NFATC2: variants seen among roughly 807,000 people sequenced by gnomAD.
NFATC2 encodes the protein nuclear factor of activated T cells 2.
Under a neutral mutation model 87.3 loss-of-function variants are expected in NFATC2, and 22 were observed. The ratio of observed to expected loss-of-function variants is 0.25; its 90% CI spans 0.18 to 0.36. The LOEUF (loss-of-function observed/expected upper bound fraction) is 0.36. Among genes scored for constraint, NFATC2 ranks in the 10% least tolerant of loss-of-function variants. The pLI, the probability that NFATC2 is intolerant of heterozygous loss-of-function variation, is 1.00. For synonymous variants in NFATC2, 565 were observed against 542.2 expected, an observed-to-expected ratio of 1.04 and a Z score of -0.58; for missense variants, 1,149 against 1,259.1, an observed-to-expected ratio of 0.91 and a Z score of 1.32.
intron 9 of NFATC2, among the ~76,000 whole-genome samples, chr20:51,401,750 C>T (rs1019799507): frequency 4.6e-5 from 7 of 152,210 alleles, no homozygotes; most frequent in African/African-American, 1.7e-4. Flanking sequence ...ACTGGTGAGT[C>T]ATCCCACTGA....
chr20:51,437,303 G>A (rs991065926), intron 6 of NFATC2, among the ~76,000 whole-genome samples: 17 of 152,198 alleles, frequency 1.1e-4, no homozygotes, highest in Admixed American at 1.3e-4. Flanking sequence ...ACATGCTAAT[G>A]AGCATTTGGA....
chr20:51,418,095 G>A (rs1195277799), intron 9 of NFATC2, among the ~76,000 whole-genome samples: 1 of 152,234 alleles, frequency 6.6e-6, no homozygotes, highest in Non-Finnish European at 1.5e-5. Flanking sequence ...CCTGGGTGCT[G>A]TACTAGGGAA....
intron 1 of NFATC2, among the ~76,000 whole-genome samples, chr20:51,533,780 C>T (rs2076674731): frequency 6.6e-6 from 1 of 152,232 alleles, no homozygotes. Context: ...TCTGGCATGA[C>T]CGCTTGCAAA....
In NFATC2 at chr20:51,432,548, T is replaced by A; in HGVS notation, c.2241A>T (p.Pro747=). The change falls in exon 9 of 11, where the codon CCA becomes CCT. Residue 747 remains proline (P), a synonymous_variant. Coordinates refer to ENST00000371564, the MANE Select transcript of NFATC2 (RefSeq NM_012340.5). The surrounding 1 kb of genome is among the most constrained non-coding windows in gnomAD (Gnocchi z 4.6). Reference sequence around the variant, plus strand: ...TGCTCCGCTGGTAGAGTACGGCCGCTGGGTTCTGTTGCTGGTAGCGGGCGT... The same window carrying A: ...TGCTCCGCTGGTAGAGTACGGCCGCAGGGTTCTGTTGCTGGTAGCGGGCGT... ...SPDARYQQQN[P]AAVLYQRSKS... is the part of the protein sequence containing the mutation. 1.3e-6 allele frequency: 2 copies of A among 1,544,372 alleles called. No individual in the cohort carries two copies. The highest frequency in any genetic ancestry group is 1.7e-6 in the Non-Finnish European group (2 of 1,146,884).
intron 1 of NFATC2, among the ~76,000 whole-genome samples, chr20:51,561,432 A>AAGG (rs2077024037): frequency 8.5e-5 from 5 of 58,938 alleles, no homozygotes; most frequent in African/African-American, 1.2e-4. Flanking sequence ...GAGAGAAAGA[A>AAGG]AAGAAAGAAA....
At chr20:51,561,465 A>C (rs1427085568) in intron 1 of NFATC2, among the ~76,000 whole-genome samples, 3 of 135,680 alleles carry the variant, frequency 2.2e-5, no homozygotes, top group Middle Eastern at 3.5e-3. Context: ...GAAAGAAAGA[A>C]AGAAAGAAAG....
rs182915137 is a variant in NFATC2 at position 51,531,578 on chromosome 20, C to T, written c.131-7468G>A. Among the ~76,000 whole-genome samples the T allele has an allele frequency of 3.2e-4, 49 of 152,250 alleles. No homozygotes were observed. In the East Asian group the frequency reaches 9.1e-3, roughly 28 times the overall value. ...AGGTCTCAGTCAACAGAGGGTAGCA[C>T]GGGGTTAGGGGACTCCAGATCCACT... is the stretch of plus-strand genomic sequence containing the variant. On this transcript the variant is annotated intron_variant, in intron 1 of 10. Transcript: ENST00000371564.
chr20:51,454,607 A>T lies in NFATC2; in HGVS notation c.1790T>A (p.Ile597Asn). 6.2e-7 allele frequency: 1 copy of T among 1,614,126 alleles called. No individual in the cohort carries two copies. Among genetic ancestry groups the T allele is most frequent in the Non-Finnish European group, 8.5e-7 (1 of 1,180,020 alleles). The change falls in exon 6 of 11, where the codon ATC (isoleucine) becomes AAC (asparagine). Residue 597 changes from isoleucine to asparagine, a missense_variant. By Grantham distance (149) the Ile-to-Asn change is moderately radical. Around this residue, in one of 3 missense-constraint regions of NFATC2, gnomAD observed 581 missense variants for 649.7 expected, o/e 0.89. Coordinates refer to ENST00000371564, the MANE Select transcript of NFATC2 (RefSeq NM_012340.5). ...GGATGTAAAGTTCTGCCCCGTGAGGATCATTTGCTGGCCGCCATAGACCAG... is the reference window on the plus strand; with the variant it reads ...GGATGTAAAGTTCTGCCCCGTGAGGTTCATTTGCTGGCCGCCATAGACCAG... ...SCLVYGGQQMILTGQNFTSES... is the reference protein window; with the variant it reads ...SCLVYGGQQMNLTGQNFTSES...
intron 1 of NFATC2, among the ~76,000 whole-genome samples, chr20:51,557,589 C>G (rs1419043385): frequency 6.6e-6 from 1 of 152,184 alleles, no homozygotes; most frequent in Non-Finnish European, 1.5e-5. Context: ...AGAAATCCTA[C>G]TGAGGTCACC....
chr20:51,448,009 C>A (rs942245327), intron 6 of NFATC2, among the ~76,000 whole-genome samples: 4 of 152,276 alleles, frequency 2.6e-5, no homozygotes, highest in Admixed American at 2.6e-4. Context: ...GGAGTGACAA[C>A]TAAAAGAGAT....
chr20:51,396,058 A>G (rs1600644354), intron 10 of NFATC2, among the ~76,000 whole-genome samples: 1 of 13,042 alleles, frequency 7.7e-5, no homozygotes, highest in South Asian at 2.0e-3. Context: ...ATATATATAT[A>G]TATATATATA....
chr20:51,416,268 T>C (rs1405765427), intron 9 of NFATC2, among the ~76,000 whole-genome samples: 2 of 151,544 alleles, frequency 1.3e-5, no homozygotes, highest in African/African-American at 4.9e-5. Flanking sequence ...TGTCTCAAAA[T>C]AAAAAAATCC....
intron 6 of NFATC2, among the ~76,000 whole-genome samples, chr20:51,440,837 C>T (rs1024636067): frequency 2.6e-5 from 4 of 152,220 alleles, no homozygotes; most frequent in South Asian, 4.1e-4. Context: ...GGGAAGTGTG[C>T]GGTTTGCAAG....
chr20:51,396,828 C>T (rs1987222369), intron 10 of NFATC2, among the ~76,000 whole-genome samples: 1 of 152,154 alleles, frequency 6.6e-6, no homozygotes, highest in Non-Finnish European at 1.5e-5. Flanking sequence ...GGATCTTCTG[C>T]CTTTGGTCCT....
chr20:51,428,294 G>A (rs1406472086), intron 9 of NFATC2, among the ~76,000 whole-genome samples: 2 of 152,204 alleles, frequency 1.3e-5, no homozygotes, highest in South Asian at 4.1e-4. Context: ...CGCAAGTGAC[G>A]GTGTATGAAC....
rs1982953172 is a variant in NFATC2, at chr20:51,432,719, G to T, written c.2070C>A (p.Asp690Glu). The change falls in exon 9 of 11, where the codon GAC becomes GAA. Residue 690 changes from aspartate (D) to glutamate (E), a missense_variant. Transcript: ENST00000371564. This position sits in a 1 kb window ranked among gnomAD's most constrained non-coding sequence, Gnocchi z 4.6. The part of the protein sequence containing the change: ...AIKTEPTDEY[D>E]PTLICSPTHG... ...GGGTGGGGCTGCAGATCAGAGTGGG[G>T]TCATATTCATCCGTGGGCTCCGTCT... The T allele has an allele frequency of 6.3e-7, 1 of 1,587,684 alleles. No homozygotes were observed. The highest frequency in any genetic ancestry group is 8.5e-7 in the Non-Finnish European group (1 of 1,174,242).
At chr20:51,520,913 C>A (rs889852762) in intron 2 of NFATC2, among the ~76,000 whole-genome samples, 1 of 152,134 alleles carries the variant, frequency 6.6e-6, no homozygotes, top group African/African-American at 2.4e-5. Flanking sequence ...CCCGCCTCTG[C>A]CTTCCAAAGT....
At chr20:51,430,352 T>A (rs1227018677) in intron 9 of NFATC2, among the ~76,000 whole-genome samples, 1 of 152,236 alleles carries the variant, frequency 6.6e-6, no homozygotes, top group Non-Finnish European at 1.5e-5. Flanking sequence ...CTGCCTTAGT[T>A]AATTCTCTAC....
intron 1 of NFATC2, among the ~76,000 whole-genome samples, chr20:51,548,072 CG>C (rs368882536): frequency 2.0e-5 from 3 of 152,166 alleles, no homozygotes; most frequent in African/African-American, 7.2e-5. Flanking sequence ...CAAGGCCCTA[CG>C]TAAGCTACGT....
Sources: gnomAD v4.1 joint callset for allele counts (sites outside exome capture counted in the v4.1 genomes callset) on GRCh38, gnomAD v4.1.1 for gene constraint, gnomAD v4.1.1 regional missense constraint, Gnocchi (gnomAD v3.1) non-coding constraint, MANE v1.5 for transcripts, NCBI Gene and HGNC (gene_info 2026-07-23, HGNC 2026-07-21) for gene names.